Variants in CCNY observed in about 807,000 individuals in gnomAD.
The protein encoded by CCNY is cyclin-Y.
A neutral mutation model predicts 42.8 loss-of-function variants in CCNY; 19 were observed. That is an observed-to-expected ratio of 0.44 (90% CI 0.31 to 0.65). CCNY has a LOEUF of 0.65. Among genes scored for constraint, CCNY ranks in the 30% least tolerant of loss-of-function variants. CCNY has a pLI of 0.07. For missense variants in CCNY, 370 were observed against 437.3 expected, an observed-to-expected ratio of 0.85 and a Z score of 1.37; for synonymous variants, 165 against 162.7, an observed-to-expected ratio of 1.01 and a Z score of -0.11.
intron 2 of CCNY, among the ~76,000 whole-genome samples, chr10:35,491,175 G>A (rs1839887556): frequency 6.6e-6 from 1 of 152,184 alleles, no homozygotes; most frequent in Non-Finnish European, 1.5e-5. Flanking sequence ...CTGGCCTCCA[G>A]TTAGGCAAGG....
chr10:35,553,238 G>A, intron 8 of CCNY, 53 bp downstream of exon 8: 2 of 1,580,412 alleles, frequency 1.3e-6, no homozygotes, highest in Non-Finnish European at 1.7e-6. Flanking sequence ...CAGACCATTT[G>A]GAAAGAAAGC....
At chr10:35,502,378 T>A (rs1225205917) in intron 3 of CCNY, among the ~76,000 whole-genome samples, 3 of 152,230 alleles carry the variant, frequency 2.0e-5, no homozygotes, top group Non-Finnish European at 4.4e-5. Context: ...TTAGACTGTC[T>A]GCATCTGTGT....
intron 1 of CCNY, among the ~76,000 whole-genome samples, chr10:35,440,088 G>T (rs890309100): frequency 2.0e-5 from 3 of 152,308 alleles, no homozygotes; most frequent in Admixed American, 6.5e-5. Flanking sequence ...CTCAGCCTTT[G>T]TTGGTGTGGA....
At chr10:35,510,906 C>T (rs1840312671) in intron 3 of CCNY, among the ~76,000 whole-genome samples, 1 of 152,216 alleles carries the variant, frequency 6.6e-6, no homozygotes, top group Non-Finnish European at 1.5e-5. Context: ...ATTTACACAA[C>T]TCGTCAGTGG....
At chr10:35,306,073 TGCCCAGCCTGGAGTGCAGTG>T (rs1212116876) in intron 3 of CCNY, among the ~76,000 whole-genome samples, 2 of 152,196 alleles carry the variant, frequency 1.3e-5, no homozygotes, top group African/African-American at 4.8e-5. Flanking sequence ...CTCACTCTGT[TGCCCAGCCTGGAGTGCAGTG>T]GTGCAATCTC....
intron 2 of CCNY, among the ~76,000 whole-genome samples, chr10:35,490,006 G>A (rs142759736): frequency 1.3e-5 from 2 of 152,204 alleles, no homozygotes; most frequent in Non-Finnish European, 2.9e-5. Flanking sequence ...CTGCCCCACC[G>A]CATTCTGCAT....
chr10:35,308,908 A>T (rs1252093304), intron 3 of CCNY, among the ~76,000 whole-genome samples: 1 of 152,080 alleles, frequency 6.6e-6, no homozygotes, highest in Non-Finnish European at 1.5e-5. Context: ...TTAGAGAGGG[A>T]GGGTGAGAGT....
intron 1 of CCNY, among the ~76,000 whole-genome samples, chr10:35,371,899 T>C (rs372738502): frequency 1.3e-5 from 2 of 152,320 alleles, no homozygotes; most frequent in East Asian, 3.9e-4. Context: ...GCAAGTTTCA[T>C]TGCATGAGTG....
intron 1 of CCNY, among the ~76,000 whole-genome samples, chr10:35,376,443 T>G (rs141883446): frequency 2.1e-4 from 32 of 152,338 alleles, no homozygotes; most frequent in African/African-American, 7.2e-4. Flanking sequence ...AAACAAAATG[T>G]GGTATATCCA....
At chr10:35,503,582 T>G (rs898777634) in intron 3 of CCNY, among the ~76,000 whole-genome samples, 1 of 152,184 alleles carries the variant, frequency 6.6e-6, no homozygotes, top group African/African-American at 2.4e-5. Flanking sequence ...AATAGTAAGT[T>G]AGAACAGTGG....
intron 3 of CCNY, among the ~76,000 whole-genome samples, chr10:35,328,528 A>G (rs1271954688): frequency 6.6e-6 from 1 of 152,232 alleles, no homozygotes; most frequent in Non-Finnish European, 1.5e-5. Flanking sequence ...AGCAACAAGA[A>G]GACTCTGTGG....
chr10:35,249,367 G>T (rs1020866247), intron 2 of CCNY, among the ~76,000 whole-genome samples: 4 of 152,088 alleles, frequency 2.6e-5, no homozygotes, highest in African/African-American at 9.7e-5. Context: ...GGGCTTTTTT[G>T]TGTATGTATA....
Position 35,525,944 on chromosome 10 carries a change from T to G in CCNY, c.366-20T>G, listed in dbSNP as rs1383955985. The G allele has an allele frequency of 6.2e-7, 1 of 1,610,360 alleles. No homozygotes were observed. The highest frequency in any genetic ancestry group is 8.5e-7 in the Non-Finnish European group (1 of 1,178,426). On this transcript the variant is annotated intron_variant, in intron 4 of 9. Transcript: ENST00000374704. ...TGAATATGCTCATGGACACTGAACCTCTGCATTCTATTTTTACAGTGTCGC... is the reference window on the plus strand; with the variant it reads ...TGAATATGCTCATGGACACTGAACCGCTGCATTCTATTTTTACAGTGTCGC...
intron 3 of CCNY, among the ~76,000 whole-genome samples, chr10:35,319,529 G>T (rs1247611790): frequency 1.3e-5 from 2 of 152,126 alleles, no homozygotes; most frequent in Admixed American, 6.6e-5. Flanking sequence ...CAATGGCATA[G>T]ATAAAATGGA....
At chr10:35,320,478 G>GCCATCT in intron 3 of CCNY, among the ~76,000 whole-genome samples, 2 of 152,210 alleles carry the variant, frequency 1.3e-5, no homozygotes, top group South Asian at 4.1e-4. Flanking sequence ...TCCTGGTAGA[G>GCCATCT]TACACAAGCT....
At chr10:35,513,630 T>C (rs1414551274) in intron 3 of CCNY, among the ~76,000 whole-genome samples, 2 of 152,300 alleles carry the variant, frequency 1.3e-5, no homozygotes, top group African/African-American at 4.8e-5. Flanking sequence ...GTCTGTCATT[T>C]TCATCTCTGT....
intron 1 of CCNY, among the ~76,000 whole-genome samples, chr10:35,384,343 T>C (rs1027877991): frequency 1.3e-5 from 2 of 152,116 alleles, no homozygotes; most frequent in African/African-American, 4.8e-5. Context: ...TGAATCCACA[T>C]GTTGCAAGAG....
At position 35,569,601 on chromosome 10, in the gene CCNY, G is replaced by C. The variant is rs1841646139; in HGVS notation, c.*431G>C. The C allele has an allele frequency of 5.6e-6, 1 of 179,596 alleles. No homozygotes were observed. Among genetic ancestry groups the C allele is most frequent in the Admixed American group, 5.5e-5 (1 of 18,116 alleles). 11.1% of individuals were successfully genotyped at this position (179,596 alleles called of 1,614,324 possible). A position where few individuals can be genotyped will look rare whatever the true frequency, so the allele number is the denominator to read the frequency against. On this transcript the variant is annotated 3_prime_UTR_variant, in exon 10 of 10. Transcript: ENST00000374704. ...CTGTAAGACTTCTTGCATTCCTTCT[G>C]CTGCTTTTTTGGGATGGGGGTATTT...
intron 7 of CCNY, among the ~76,000 whole-genome samples, chr10:35,549,686 G>A (rs1397983646): frequency 6.8e-6 from 1 of 146,236 alleles, no homozygotes; most frequent in Non-Finnish European, 1.5e-5. Context: ...GTGACCCTGC[G>A]CTGCTCATGG....
Sources: allele counts gnomAD v4.1 joint callset (sites outside exome capture counted in the v4.1 genomes callset), GRCh38; gene constraint gnomAD v4.1.1; transcripts MANE v1.5; gene names NCBI Gene and HGNC (gene_info 2026-07-23, HGNC 2026-07-21).